Variants in ZNF143 observed in about 807,000 individuals in gnomAD.
ZNF143 encodes the protein zinc finger protein 143.
Under a neutral mutation model 74.1 loss-of-function variants are expected in ZNF143, and 49 were observed. The ratio of observed to expected loss-of-function variants is 0.66; its 90% confidence interval spans 0.53 to 0.84. The LOEUF is 0.84. Ranked by LOEUF, ZNF143 falls within the 40% of genes least tolerant of loss-of-function variation. The pLI is 0.00. For synonymous variants in ZNF143, 304 were observed against 282.8 expected, an observed-to-expected ratio of 1.07 and a Z score of -0.75; for missense variants, 637 against 793.4, an observed-to-expected ratio of 0.80 and a Z score of 2.37.
chr11:9,512,762 A>G (rs1234815656), intron 13 of ZNF143, among the ~76,000 whole-genome samples, 166 bp downstream of exon 13: 4 of 152,218 alleles, frequency 2.6e-5, no homozygotes, highest in Non-Finnish European at 4.4e-5. Context: ...CAGAGAGATT[A>G]GGAGAGAGAG....
At position 9,491,632 on chromosome 11, in the gene ZNF143, C is replaced by T. The variant is rs573140350; in HGVS notation, c.646-3014C>T. Among the ~76,000 whole-genome samples, 28 of 150,624 alleles carry T rather than the reference C, an allele frequency of 1.9e-4. No homozygotes were observed. In the South Asian group the frequency reaches 4.0e-3, roughly 21 times the overall value. On this transcript the variant is annotated intron_variant, in intron 7 of 15. Coordinates refer to ENST00000396602, the MANE Select transcript of ZNF143 (RefSeq NM_003442.6). ...CAGCCTGGGGAACAGAGTGAGACTC[C>T]GTCTCAAAAAAAAAAAAGACAGGTG...
intron 12 of ZNF143, among the ~76,000 whole-genome samples, chr11:9,509,700 C>T (rs1048508058): frequency 6.6e-6 from 1 of 152,182 alleles, no homozygotes; most frequent in Admixed American, 6.5e-5. Context: ...ATCATCTGCT[C>T]AGATGATTCC....
intron 7 of ZNF143, among the ~76,000 whole-genome samples, chr11:9,485,045 C>T (rs1847414522): frequency 6.6e-6 from 1 of 150,384 alleles, no homozygotes; most frequent in South Asian, 2.1e-4. Context: ...GATCTGCCTG[C>T]CTCGGCCTTC....
chr11:9,512,911 T>C (rs1848602289), intron 13 of ZNF143, among the ~76,000 whole-genome samples: 1 of 152,100 alleles, frequency 6.6e-6, no homozygotes, highest in African/African-American at 2.4e-5. Context: ...GGATAGGATT[T>C]GGTGGCTGAT....
intron 13 of ZNF143, 143 bp downstream of exon 13, chr11:9,512,739 C>A: frequency 1.1e-6 from 1 of 881,738 alleles, no homozygotes; most frequent in Non-Finnish European, 1.7e-6. Context: ...AGTCTGCTTA[C>A]AGAGACTACG....
chr11:9,497,531 C>A (rs1736285080), intron 9 of ZNF143, 144 bp from the exon 10 acceptor site: 4 of 637,540 alleles, frequency 6.3e-6, no homozygotes, highest in African/African-American at 2.0e-5. Context: ...GTGCCCGGCC[C>A]TTTTGTACAT....
At chr11:9,477,345 C>G (rs1053968398) in intron 5 of ZNF143, among the ~76,000 whole-genome samples, 1 of 151,938 alleles carries the variant, frequency 6.6e-6, no homozygotes, top group African/African-American at 2.4e-5. Context: ...ACCTCCACAT[C>G]CTGGGTTCAA....
intron 14 of ZNF143, among the ~76,000 whole-genome samples, chr11:9,523,809 A>T (rs1849027904): frequency 6.6e-6 from 1 of 151,916 alleles, no homozygotes; most frequent in African/African-American, 2.4e-5. Context: ...GCGCTTTGGG[A>T]GGCCGAGGCG....
intron 14 of ZNF143, among the ~76,000 whole-genome samples, chr11:9,517,754 C>G (rs578185144): frequency 2.4e-4 from 37 of 152,198 alleles, no homozygotes; most frequent in African/African-American, 8.7e-4. Context: ...TGGTCTCATA[C>G]ACCCTGAAAT....
At position 9,505,858 on chromosome 11, in the gene ZNF143, G is replaced by A. The variant is rs183689140; in HGVS notation, c.1148-2761G>A. Among the ~76,000 whole-genome samples the A allele has an allele frequency of 5.7e-4, 80 of 139,152 alleles. 2 individuals are homozygous for A. In the East Asian group the frequency reaches 0.016, roughly 27 times the overall value. 91.3% of individuals were successfully genotyped at this position (139,152 alleles called of 152,430 possible). A position where few individuals can be genotyped will look rare whatever the true frequency, so the allele number is the denominator to read the frequency against. On this transcript the variant is annotated intron_variant, in intron 11 of 15. Transcript: ENST00000396602. ...CATGCCACTGCACTCCAGCCTGGGC[G>A]ACTGAGTGAGACTCCATATCAAAAA...
chr11:9,470,209 C>T (rs1039048889), intron 1 of ZNF143, among the ~76,000 whole-genome samples: 7 of 152,086 alleles, frequency 4.6e-5, no homozygotes, highest in Non-Finnish European at 8.8e-5. Context: ...GAAGAGTTGC[C>T]CATTCATCCA....
At chr11:9,494,516 G>T in intron 7 of ZNF143, 130 bp from the exon 8 acceptor site, 1 of 813,120 alleles carries the variant, frequency 1.2e-6, no homozygotes. Context: ...TTGTCATGTT[G>T]CCCAGGCTGC....
chr11:9,467,691 C>T (rs1297602250), intron 1 of ZNF143, among the ~76,000 whole-genome samples: 2 of 151,722 alleles, frequency 1.3e-5, no homozygotes, highest in African/African-American at 4.8e-5. Context: ...ACTAAAAATA[C>T]AAAAAATTAC....
intron 1 of ZNF143, among the ~76,000 whole-genome samples, chr11:9,470,782 G>A (rs1856521067): frequency 6.6e-6 from 1 of 152,110 alleles, no homozygotes; most frequent in African/African-American, 2.4e-5. Flanking sequence ...GACACTGACC[G>A]CTGTGTCAAA....
At chr11:9,519,243 AC>A (rs1848828415) in intron 14 of ZNF143, among the ~76,000 whole-genome samples, 1 of 149,844 alleles carries the variant, frequency 6.7e-6, no homozygotes, top group African/African-American at 2.5e-5. Flanking sequence ...ACAGAGCCTC[AC>A]TCTGTCACCC....
intron 7 of ZNF143, among the ~76,000 whole-genome samples, chr11:9,486,412 A>AAT (rs112739510): frequency 3.1e-4 from 6 of 19,318 alleles, no homozygotes; most frequent in South Asian, 1.0e-3. Context: ...TTATATATAT[A>AAT]ATATATATTA....
chr11:9,473,230 A>G (rs1388658473), intron 3 of ZNF143, among the ~76,000 whole-genome samples: 1 of 151,940 alleles, frequency 6.6e-6, no homozygotes, highest in Non-Finnish European at 1.5e-5. Flanking sequence ...TTTCTGTAAT[A>G]AAAATACAAA....
chr11:9,515,438 A>G (rs986319733), intron 13 of ZNF143, among the ~76,000 whole-genome samples: 1 of 151,658 alleles, frequency 6.6e-6, no homozygotes, highest in Non-Finnish European at 1.5e-5. Flanking sequence ...TCACAAGGTC[A>G]GGAGATCGAG....
intron 6 of ZNF143, among the ~76,000 whole-genome samples, 191 bp downstream of exon 6, chr11:9,478,777 G>T (rs1298173859): frequency 6.6e-6 from 1 of 151,922 alleles, no homozygotes; most frequent in Non-Finnish European, 1.5e-5. Context: ...TTTGAGCATA[G>T]ATCCCTGTCT....
Sources: gnomAD v4.1 joint callset for allele counts (sites outside exome capture counted in the v4.1 genomes callset) on GRCh38, gnomAD v4.1.1 for gene constraint, MANE v1.5 for transcripts, NCBI Gene and HGNC (gene_info 2026-07-23, HGNC 2026-07-21) for gene names.